Variants in BCKDHB observed in about 807,000 individuals in gnomAD.
The protein encoded by BCKDHB is 2-oxoisovalerate dehydrogenase subunit beta, mitochondrial.
In BCKDHB, 41 loss-of-function variants were observed where a neutral mutation model predicts 48.5. The observed-to-expected ratio is 0.85, with a 90% CI of 0.66 to 1.10. BCKDHB has a LOEUF of 1.10. BCKDHB is among the 50% of genes least tolerant of loss of function. The pLI is 0.00. For synonymous variants in BCKDHB, 201 were observed against 174.8 expected (o/e 1.15, Z -1.18); for missense variants, 496 against 494.2 (o/e 1.00, Z -0.03).
chr6:80,443,936 G>A, the BCKDHB span, among the ~76,000 whole-genome samples: 2 of 151,774 alleles, frequency 1.3e-5, no homozygotes, highest in African/African-American at 4.8e-5. Flanking sequence ...CCAAGACTTA[G>A]TTACATAACA....
chr6:80,251,568 C>A (rs1390341617), intron 8 of BCKDHB: 1 of 152,124 alleles, frequency 6.6e-6, no homozygotes, highest in Non-Finnish European at 1.5e-5. Context: ...ATCCCTTCTG[C>A]CATATGTTTA....
At chr6:80,232,040 A>C (rs1775947198) in intron 8 of BCKDHB, among the ~76,000 whole-genome samples, 2 of 152,194 alleles carry the variant, frequency 1.3e-5, no homozygotes, top group African/African-American at 4.8e-5. Flanking sequence ...AAACCTTTTA[A>C]AATTTATTCT....
the BCKDHB span, among the ~76,000 whole-genome samples, chr6:80,353,061 T>C: frequency 6.6e-6 from 1 of 152,192 alleles, no homozygotes; most frequent in Non-Finnish European, 1.5e-5. Context: ...GCCTTCCAAC[T>C]CCCTCTCCTC....
chr6:80,411,369 G>A, the BCKDHB span, among the ~76,000 whole-genome samples: 1 of 152,182 alleles, frequency 6.6e-6, no homozygotes, highest in African/African-American at 2.4e-5. Flanking sequence ...TGTATGAGGT[G>A]TCTATCAGCC....
chr6:80,306,382 C>T (rs1056283859), intron 9 of BCKDHB, among the ~76,000 whole-genome samples: 1 of 152,042 alleles, frequency 6.6e-6, no homozygotes, highest in African/African-American at 2.4e-5. Flanking sequence ...CAATGAACAG[C>T]ATGATTACTG....
At chr6:80,442,848 A>G in the BCKDHB span, among the ~76,000 whole-genome samples, 1 of 152,186 alleles carries the variant, frequency 6.6e-6, no homozygotes, top group Non-Finnish European at 1.5e-5. Context: ...CCATATTACA[A>G]ATAAACATGA....
intron 9 of BCKDHB, among the ~76,000 whole-genome samples, chr6:80,333,896 C>T (rs1249429735): frequency 6.6e-6 from 1 of 152,064 alleles, no homozygotes; most frequent in African/African-American, 2.4e-5. Flanking sequence ...ACTACCTCTT[C>T]ATTAATGGAT....
At chr6:80,225,343 C>G (rs1562152557) in intron 8 of BCKDHB, among the ~76,000 whole-genome samples, 1 of 152,180 alleles carries the variant, frequency 6.6e-6, no homozygotes, top group East Asian at 1.9e-4. Flanking sequence ...AAGATAGTTT[C>G]TTGGCATTGG....
At chr6:80,107,476 GAT>G (rs201232399) in intron 1 of BCKDHB, among the ~76,000 whole-genome samples, 1 of 120,222 alleles carries the variant, frequency 8.3e-6, no homozygotes, top group African/African-American at 4.1e-5. Context: ...TATATGTGTG[GAT>G]ATATATACGC....
At chr6:80,464,366 A>T in the BCKDHB span, among the ~76,000 whole-genome samples, 5 of 152,012 alleles carry the variant, frequency 3.3e-5, no homozygotes, top group Non-Finnish European at 7.4e-5. Flanking sequence ...TTAGCTCATG[A>T]TCCACCCACC....
chr6:80,359,793 A>T, the BCKDHB span, among the ~76,000 whole-genome samples: 5 of 152,040 alleles, frequency 3.3e-5, no homozygotes, highest in Non-Finnish European at 5.9e-5. Context: ...GGGTTTCACC[A>T]TGTTGGTCAG....
intron 9 of BCKDHB, 72 bp downstream of exon 9, chr6:80,273,293 A>G: frequency 3.2e-6 from 4 of 1,253,308 alleles, no homozygotes; most frequent in Non-Finnish European, 4.7e-6. Context: ...AAAATAAATT[A>G]CTTATCACAA....
At chr6:80,449,460 A>C in the BCKDHB span, among the ~76,000 whole-genome samples, 1 of 152,236 alleles carries the variant, frequency 6.6e-6, no homozygotes, top group African/African-American at 2.4e-5. Context: ...GATAATAAAA[A>C]TAAATTCTCA....
chr6:80,160,156 G>C (rs754736725), intron 3 of BCKDHB, among the ~76,000 whole-genome samples: 4 of 152,030 alleles, frequency 2.6e-5, no homozygotes, highest in African/African-American at 9.7e-5. Flanking sequence ...GTCACCTTAA[G>C]TCATGCTTTT....
chr6:80,414,009 G>A, the BCKDHB span, among the ~76,000 whole-genome samples: 1 of 152,004 alleles, frequency 6.6e-6, no homozygotes, highest in African/African-American at 2.4e-5. Context: ...GATGTGAGAT[G>A]GTATCTCGTT....
chr6:80,208,318 C>T (rs1033086890), intron 8 of BCKDHB, among the ~76,000 whole-genome samples: 4 of 151,702 alleles, frequency 2.6e-5, no homozygotes, highest in Admixed American at 2.6e-4. Flanking sequence ...GTTTCAAGAA[C>T]CAGCTTAAGC....
intron 6 of BCKDHB, among the ~76,000 whole-genome samples, chr6:80,194,327 C>T (rs564101997): frequency 6.6e-6 from 1 of 152,232 alleles, no homozygotes; most frequent in Admixed American, 6.5e-5. Context: ...ACTCAGCATT[C>T]CCCCATGTTA....
At chr6:80,166,055 T>TG (rs1483935763) in intron 3 of BCKDHB, among the ~76,000 whole-genome samples, 2 of 152,212 alleles carry the variant, frequency 1.3e-5, no homozygotes, top group Admixed American at 6.5e-5. Context: ...GGAGTCCTTT[T>TG]GCAGGACAAG....
At chr6:80,424,471 C>T in the BCKDHB span, among the ~76,000 whole-genome samples, 1 of 152,146 alleles carries the variant, frequency 6.6e-6, no homozygotes, top group Non-Finnish European at 1.5e-5. Flanking sequence ...AATGCAACTA[C>T]ATCATTTGAT....
Sources: gnomAD v4.1 joint callset for allele counts (sites outside exome capture counted in the v4.1 genomes callset) on GRCh38, gnomAD v4.1.1 for gene constraint, MANE v1.5 for transcripts, NCBI Gene and HGNC (gene_info 2026-07-23, HGNC 2026-07-21) for gene names.